ELAVL1: variants seen among roughly 807,000 people sequenced by gnomAD.
ELAVL1 encodes the protein ELAV-like protein 1.
ELAVL1 carries 1 observed loss-of-function variant against 28.4 expected under a neutral mutation model. That is an observed-to-expected ratio of 0.04 (90% CI 0.01 to 0.17). The LOEUF (loss-of-function observed/expected upper bound fraction) is 0.17. Among genes scored for constraint, ELAVL1 ranks in the 10% least tolerant of loss-of-function variants. The probability of loss-of-function intolerance (pLI) is 1.00; values close to 1 mark genes in which losing one functional copy is unlikely to be tolerated. For missense variants in ELAVL1, 157 were observed against 447.2 expected, an observed-to-expected ratio of 0.35 and a Z score of 5.85; for synonymous variants, 174 against 183.5, an observed-to-expected ratio of 0.95 and a Z score of 0.42.
At position 7,963,729 on chromosome 19, in the gene ELAVL1, G is replaced by A; in HGVS notation, c.735C>T (p.Cys245=). ...NVPGNASSGW[C]IFIYNLGQDA... is the part of the protein sequence containing the mutation. ...CCTGCCCCAGGTTGTAGATGAAAAT[G>A]CACCAGCCGGAGGAGGCGTTTCCTG... The change falls in exon 6 of 6, where the codon TGC becomes TGT. Residue 245 remains cysteine (C), a synonymous_variant. Coordinates refer to ENST00000407627, the MANE Select transcript of ELAVL1 (RefSeq NM_001419.3). The surrounding 1 kb of genome is among the most constrained non-coding windows in gnomAD (Gnocchi z 4.5). 6.2e-7 allele frequency: 1 copy of A among 1,614,270 alleles called. No individual in the cohort carries two copies. The highest frequency in any genetic ancestry group is 8.5e-7 in the Non-Finnish European group (1 of 1,180,042).
rs1344711128 is a variant in ELAVL1 at position 7,982,037 on chromosome 19, G to A, written c.173-851C>T. The stretch of plus-strand genomic sequence containing the variant: ...TCCCCAGCCCTGCCAGACAGTGGGG[G>A]AGAACCAGGTTCACAGGCAGATGTC... On this transcript the variant is annotated intron_variant, in intron 2 of 5. Transcript: ENST00000407627. The surrounding 1 kb of genome is among the most constrained non-coding windows in gnomAD (Gnocchi z 4.3). Among the ~76,000 whole-genome samples the A allele has an allele frequency of 6.6e-6, 1 of 152,220 alleles. No homozygotes were observed. Among genetic ancestry groups the A allele is most frequent in the Non-Finnish European group, 1.5e-5 (1 of 68,042 alleles).
chr19:7,970,972 G>C (rs1274242652), intron 4 of ELAVL1, among the ~76,000 whole-genome samples: 3 of 152,186 alleles, frequency 2.0e-5, no homozygotes, highest in Non-Finnish European at 4.4e-5. Flanking sequence ...CCCTGGGATG[G>C]GAGCCTCACC....
At chr19:7,992,878 C>T (rs759475848) in intron 1 of ELAVL1, among the ~76,000 whole-genome samples, 8 of 152,120 alleles carry the variant, frequency 5.3e-5, no homozygotes, top group Non-Finnish European at 8.8e-5. Flanking sequence ...GATCCTCAAG[C>T]GATCCTCACA....
chr19:7,984,480 G>A lies in ELAVL1; in HGVS notation c.173-3294C>T, dbSNP rs193006179. ...CCCAGAAAGTAGAGGTGGCCCGTGT[G>A]GCAAGGGCCTAGGAAGTGGCCACTG... On this transcript the variant is annotated intron_variant, in intron 2 of 5. Transcript: ENST00000407627. 4.0e-3 allele frequency among the ~76,000 whole-genome samples: 606 copies of A among 152,340 alleles called. 1 individual carries two copies. Among genetic ancestry groups the A allele is most frequent in the Non-Finnish European group, 7.1e-3 (485 of 68,026 alleles).
At position 7,967,871 on chromosome 19, in the gene ELAVL1, T is replaced by C. The variant is rs1599664856; in HGVS notation, c.431-81A>G. On this transcript the variant is annotated intron_variant, in intron 4 of 5. Coordinates refer to ENST00000407627, the MANE Select transcript of ELAVL1 (RefSeq NM_001419.3). The stretch of plus-strand genomic sequence containing the variant: ...AACTGAAAAGCAAAAGTCAGGTCAG[T>C]CTACTGTGGGCCAGGCTAGAAGTCT... The C allele has an allele frequency of 4.7e-6, 7 of 1,476,484 alleles. No individual in the cohort carries two copies. The Middle Eastern group carries it at 1.2e-3, about 260-fold the overall frequency. 91.5% of individuals were successfully genotyped at this position (1,476,484 alleles called of 1,614,324 possible).
chr19:7,998,207 G>A (rs1408059329), intron 1 of ELAVL1, among the ~76,000 whole-genome samples: 2 of 152,014 alleles, frequency 1.3e-5, no homozygotes, highest in African/African-American at 4.8e-5. Context: ...ATCAATCCTG[G>A]GCCAAATCAG....
At chr19:7,976,529 C>T (rs941087568) in intron 3 of ELAVL1, among the ~76,000 whole-genome samples, 1 of 152,210 alleles carries the variant, frequency 6.6e-6, no homozygotes, top group African/African-American at 2.4e-5. Flanking sequence ...TGATGCTTCT[C>T]TAAAGCAAGC....
At position 7,979,917 on chromosome 19, in the gene ELAVL1, G is replaced by A. The variant is rs1985407174; in HGVS notation, c.276+1166C>T. ...GTCACAGAACCCCTCTTGGTGGGCA[G>A]GCAAAAATCCAGGCTCCCAGGCCCA... On this transcript the variant is annotated intron_variant, in intron 3 of 5. Transcript: ENST00000407627. This position sits in a 1 kb window ranked among gnomAD's most constrained non-coding sequence, Gnocchi z 5.4. Among the ~76,000 whole-genome samples, 1 of 152,188 alleles carries A rather than the reference G, an allele frequency of 6.6e-6. No individual in the cohort carries two copies. The highest frequency in any genetic ancestry group is 6.5e-5 in the Admixed American group (1 of 15,284).
At position 7,967,705 on chromosome 19, in the gene ELAVL1, G is replaced by A. The variant is rs1248805546; in HGVS notation, c.516C>T (p.Pro172=). 4.3e-6 allele frequency: 7 copies of A among 1,614,044 alleles called. No individual in the cohort carries two copies. In the African/African-American group the frequency reaches 6.7e-5, roughly 15 times the overall value. The change falls in exon 5 of 6, where the codon CCC becomes CCT. Residue 172 remains proline, a synonymous_variant. Transcript: ENST00000407627. Reference sequence around the variant, plus strand: ...CTGTGATGGGCTCAGAGGAACCTGGGGGTTTATGACCATTGAAACTGGTAA... The same window carrying A: ...CTGTGATGGGCTCAGAGGAACCTGGAGGTTTATGACCATTGAAACTGGTAA... ...EAITSFNGHK[P]PGSSEPITVK... is the part of the protein sequence containing the mutation.
intron 3 of ELAVL1, among the ~76,000 whole-genome samples, chr19:7,978,775 G>A (rs866683225): frequency 2.0e-5 from 3 of 152,176 alleles, no homozygotes; most frequent in Non-Finnish European, 2.9e-5. Flanking sequence ...TGGCATCTGA[G>A]GTGAGGGCGG....
intron 2 of ELAVL1, among the ~76,000 whole-genome samples, chr19:7,984,506 G>T (rs1568313196): frequency 6.6e-6 from 1 of 152,240 alleles, no homozygotes. Flanking sequence ...GTGGCCACTG[G>T]CAGCAGGGCA....
chr19:7,972,803 T>C (rs1255198319), intron 4 of ELAVL1: 1 of 75,600 alleles, frequency 1.3e-5, no homozygotes, highest in Admixed American at 1.5e-4. Flanking sequence ...CAGTATCCTT[T>C]TTTTTTTTTT....
At chr19:7,985,259 A>G (rs1985570235) in intron 2 of ELAVL1, among the ~76,000 whole-genome samples, 1 of 152,182 alleles carries the variant, frequency 6.6e-6, no homozygotes, top group Non-Finnish European at 1.5e-5. Flanking sequence ...ATTCCAGTGC[A>G]TGAGGGGCAT....
At chr19:7,998,345 C>A (rs113974628) in intron 1 of ELAVL1, among the ~76,000 whole-genome samples, 6 of 152,218 alleles carry the variant, frequency 3.9e-5, no homozygotes. Context: ...AAGATGCTCA[C>A]CCCTCTGGTA....
intron 3 of ELAVL1, among the ~76,000 whole-genome samples, chr19:7,976,658 C>T (rs768665752): frequency 2.0e-5 from 3 of 152,048 alleles, no homozygotes; most frequent in Non-Finnish European, 4.4e-5. Context: ...CTTCCAGCCT[C>T]CAGAACTGTG....
intron 2 of ELAVL1, among the ~76,000 whole-genome samples, chr19:7,991,091 T>C (rs1568315472): frequency 6.6e-6 from 1 of 152,152 alleles, no homozygotes; most frequent in Non-Finnish European, 1.5e-5. Flanking sequence ...CTCCTGCCCC[T>C]CTGAGAGTTC....
At chr19:7,998,366 G>A (rs568635044) in intron 1 of ELAVL1, among the ~76,000 whole-genome samples, 1 of 152,322 alleles carries the variant, frequency 6.6e-6, no homozygotes, top group East Asian at 1.9e-4. Context: ...TTCCCTGTCA[G>A]TGGTCACCAC....
At position 7,962,946 on chromosome 19, in the gene ELAVL1, G is replaced by A. The variant is rs1022250740; in HGVS notation, c.*537C>T. Reference sequence around the variant, plus strand: ...CCCGCCGCCATTCCCAGGACCACTCGGCAGAGCCCGGGACTGAGTGAGCAG... The same window carrying A: ...CCCGCCGCCATTCCCAGGACCACTCAGCAGAGCCCGGGACTGAGTGAGCAG... On this transcript the variant is annotated 3_prime_UTR_variant, in exon 6 of 6. Transcript: ENST00000407627. 2.0e-5 allele frequency: 3 copies of A among 153,766 alleles called. No homozygotes were observed. Among genetic ancestry groups the A allele is most frequent in the Non-Finnish European group, 4.4e-5 (3 of 68,908 alleles). 9.5% of individuals were successfully genotyped at this position (153,766 alleles called of 1,614,324 possible).
intron 4 of ELAVL1, among the ~76,000 whole-genome samples, chr19:7,968,049 C>T: frequency 6.6e-6 from 1 of 152,224 alleles, no homozygotes. Context: ...ATTTTGGTGA[C>T]AGACATCCCC....
Sources: gnomAD v4.1 joint callset for allele counts (sites outside exome capture counted in the v4.1 genomes callset) on GRCh38, gnomAD v4.1.1 for gene constraint, Gnocchi (gnomAD v3.1) non-coding constraint, MANE v1.5 for transcripts, NCBI Gene and HGNC (gene_info 2026-07-23, HGNC 2026-07-21) for gene names.